TANC1: variants seen among roughly 807,000 people sequenced by gnomAD.
The protein encoded by TANC1 is tetratricopeptide repeat, ankyrin repeat and coiled-coil containing 1, also known as protein TANC1.
TANC1 carries 77 observed loss-of-function variants against 149.7 expected under a neutral mutation model. That is an observed-to-expected ratio of 0.51 (90% confidence interval 0.43 to 0.62). The LOEUF is 0.62. Ranked by LOEUF, TANC1 falls within the 20% of genes least tolerant of loss-of-function variation. The pLI, the probability that TANC1 is intolerant of heterozygous loss-of-function variation, is 0.00. For synonymous variants in TANC1, 854 were observed against 925.0 expected (o/e 0.92, Z 1.39); for missense variants, 1,985 against 2,321.8 (o/e 0.85, Z 2.98).
rs1423836856 is a variant in TANC1 at position 159,008,727 on chromosome 2, ATGT to A, written c.-16+7540_-16+7542del. ...ATCAAATAATTTCATGTTTAATATG[ATGT>A]TCTGGCTTTTGGTTTTAGTATGTCT... On this transcript the variant is annotated intron_variant, in intron 2 of 26. Transcript: ENST00000263635. Among the ~76,000 whole-genome samples the A allele has an allele frequency of 1.1e-4, 16 of 152,258 alleles. No individual in the cohort carries two copies. In the East Asian group the frequency reaches 2.7e-3, roughly 26 times the overall value.
rs146672497 is a variant in TANC1, at chr2:159,068,580, A to G, written c.61+2609A>G. Among the ~76,000 whole-genome samples, 180 of 152,338 alleles carry G rather than the reference A, an allele frequency of 1.2e-3. 1 individual carries two copies. The highest frequency in any genetic ancestry group is 1.2e-3 in the Non-Finnish European group (80 of 68,032). On this transcript the variant is annotated intron_variant, in intron 3 of 26. Coordinates refer to ENST00000263635, the MANE Select transcript of TANC1 (RefSeq NM_033394.3). The stretch of plus-strand genomic sequence containing the variant: ...ACTTAGTATCCTTCAATGGAAACCA[A>G]ATATTTTTCAGAAGCGTTGAACAGT...
chr2:159,011,376 A>C (rs1476081836), intron 2 of TANC1, among the ~76,000 whole-genome samples: 3 of 152,090 alleles, frequency 2.0e-5, no homozygotes, highest in Non-Finnish European at 4.4e-5. Flanking sequence ...TCTCAAATCT[A>C]CTCCTCAAAG....
chr2:159,117,149 T>C (rs1193403477), intron 4 of TANC1, among the ~76,000 whole-genome samples: 1 of 152,132 alleles, frequency 6.6e-6, no homozygotes, highest in Non-Finnish European at 1.5e-5. Flanking sequence ...ACAACCTAAA[T>C]ACAACATAGA....
intron 4 of TANC1, among the ~76,000 whole-genome samples, chr2:159,117,571 A>AT (rs2048394377): frequency 6.6e-6 from 1 of 150,890 alleles, no homozygotes; most frequent in African/African-American, 2.4e-5. Flanking sequence ...AATTTTTTGT[A>AT]TTTTTTAATA....
intron 2 of TANC1, among the ~76,000 whole-genome samples, chr2:159,063,041 T>C (rs2042381038): frequency 6.7e-6 from 1 of 150,162 alleles, no homozygotes; most frequent in South Asian, 2.1e-4. Flanking sequence ...GGAGTACCGA[T>C]TTGTTAATTT....
chr2:159,028,503 T>C (rs1000011850), intron 2 of TANC1, among the ~76,000 whole-genome samples: 12 of 152,232 alleles, frequency 7.9e-5, no homozygotes, highest in African/African-American at 2.9e-4. Context: ...TAATGTAATC[T>C]GAATCCTTGA....
At position 159,136,230 on chromosome 2, in the gene TANC1, G is replaced by C; in HGVS notation, c.296G>C (p.Arg99Thr). 6.2e-7 allele frequency: 1 copy of C among 1,613,512 alleles called. No individual in the cohort carries two copies. The highest frequency in any genetic ancestry group is 8.5e-7 in the Non-Finnish European group (1 of 1,179,452). Residue 99 changes from arginine (R) to threonine (T), a missense_variant, in exon 5 of 27, where the codon AGA becomes ACA. Arg to Thr is a moderately conservative substitution (Grantham distance 71). This residue lies in a region of TANC1 where 557 missense variants were observed against 612.9 expected (regional missense o/e 0.91). Transcript: ENST00000263635. ...AAGCCCAAGTATGTGGAAAGCCCCA[G>C]AGTGCCTGGAGATGCAGTTATAATG... ...VRKPKYVESPRVPGDAVIMPF... is the reference protein window; with the variant it reads ...VRKPKYVESPTVPGDAVIMPF...
At chr2:159,056,889 C>T (rs1199526633) in intron 2 of TANC1, 5 of 270,996 alleles carry the variant, frequency 1.8e-5, no homozygotes, top group Admixed American at 3.1e-5. Flanking sequence ...TACCATTTCT[C>T]CTCATAGGAC....
chr2:159,124,195 TA>T (rs2049148457), intron 4 of TANC1, among the ~76,000 whole-genome samples: 1 of 152,034 alleles, frequency 6.6e-6, no homozygotes. Flanking sequence ...CTGTCTCTAC[TA>T]AAAATACAAA....
intron 1 of TANC1, among the ~76,000 whole-genome samples, chr2:158,981,542 T>TATATATAA (rs1559096565): frequency 2.3e-5 from 2 of 88,382 alleles, no homozygotes; most frequent in African/African-American, 4.0e-5. Context: ...TATATATATA[T>TATATATAA]AAAGAAGTAA....
In TANC1 at chr2:159,217,554, A is replaced by G. The variant is rs771654267; in HGVS notation, c.3302A>G (p.His1101Arg). The part of the protein sequence containing the change: ...KLEVCELLLG[H>R]GAAVSRTNRR... ...GAGGTCTGTGAGCTGCTGCTGGGGC[A>G]TGGAGCTGCTGTGTCGCGGACAAAC... Residue 1101 changes from histidine to arginine, a missense_variant, in exon 20 of 27, where the codon CAT (histidine) becomes CGT (arginine). Coordinates refer to ENST00000263635, the MANE Select transcript of TANC1 (RefSeq NM_033394.3). The G allele has an allele frequency of 1.2e-6, 2 of 1,614,234 alleles. No individual in the cohort carries two copies. The highest frequency in any genetic ancestry group is 2.2e-5 in the South Asian group (2 of 91,088).
chr2:159,193,844 AT>A (rs902401793), intron 16 of TANC1, among the ~76,000 whole-genome samples: 85 of 147,462 alleles, frequency 5.8e-4, no homozygotes, highest in Non-Finnish European at 6.8e-4. Context: ...TTAATTAAAA[AT>A]TTTTTTTTTT....
chr2:159,027,998 C>T (rs1451300784), intron 2 of TANC1, among the ~76,000 whole-genome samples: 5 of 152,078 alleles, frequency 3.3e-5, no homozygotes, highest in African/African-American at 7.2e-5. Context: ...AGCCCCATCC[C>T]GATGACCTCA....
At chr2:159,079,807 A>G (rs1320578251) in intron 3 of TANC1, among the ~76,000 whole-genome samples, 1 of 152,198 alleles carries the variant, frequency 6.6e-6, no homozygotes, top group African/African-American at 2.4e-5. Context: ...ATGAGAACTC[A>G]CACCTACCCA....
At chr2:159,105,647 C>T (rs960788233) in intron 4 of TANC1, among the ~76,000 whole-genome samples, 3 of 152,142 alleles carry the variant, frequency 2.0e-5, no homozygotes, top group East Asian at 1.9e-4. Flanking sequence ...TTCTATAGTA[C>T]GTAACCAACA....
At chr2:159,154,652 T>G (rs2053227308) in intron 7 of TANC1, among the ~76,000 whole-genome samples, 1 of 152,238 alleles carries the variant, frequency 6.6e-6, no homozygotes, top group Non-Finnish European at 1.5e-5. Context: ...ATAAATGTCT[T>G]TAGAAGTATA....
chr2:159,067,008 A>G lies in TANC1; in HGVS notation c.61+1037A>G, dbSNP rs561446181. ...ACATTTCACTCTGTAAACCCATGTT[A>G]ATCCAGTCTCCTTGGAGAATGACTG... is the stretch of plus-strand genomic sequence containing the variant. On this transcript the variant is annotated intron_variant, in intron 3 of 26. Transcript: ENST00000263635. Among the ~76,000 whole-genome samples the G allele has an allele frequency of 3.3e-5, 5 of 152,342 alleles. No individual in the cohort carries two copies. In the South Asian group the frequency reaches 1.0e-3, roughly 32 times the overall value.
intron 23 of TANC1, 42 bp downstream of exon 23, chr2:159,224,406 C>T: frequency 1.2e-6 from 2 of 1,612,678 alleles, no homozygotes; most frequent in Non-Finnish European, 1.7e-6. Context: ...GAGCGGTGAG[C>T]TCCCGATTGT....
intron 1 of TANC1, among the ~76,000 whole-genome samples, chr2:158,995,978 G>A (rs1355263564): frequency 6.6e-6 from 1 of 152,172 alleles, no homozygotes; most frequent in Non-Finnish European, 1.5e-5. Context: ...ACTCTGTCTT[G>A]GAAGAATTCT....
Sources: allele counts gnomAD v4.1 joint callset (sites outside exome capture counted in the v4.1 genomes callset), GRCh38; gene constraint gnomAD v4.1.1; regional missense constraint gnomAD v4.1.1; transcripts MANE v1.5; gene names NCBI Gene and HGNC (gene_info 2026-07-23, HGNC 2026-07-21).